The following FUT8 variants were observed in gnomAD, a reference collection of about 807,000 sequenced individuals.
FUT8 encodes alpha-(1,6)-fucosyltransferase.
FUT8 carries 29 observed loss-of-function variants against 71.3 expected under a neutral mutation model. That is an observed-to-expected ratio of 0.41 (90% confidence interval 0.30 to 0.55). FUT8 has a LOEUF of 0.55. Ranked by LOEUF, FUT8 falls within the 20% of genes least tolerant of loss-of-function variation. The probability of loss-of-function intolerance (pLI) is 0.34; values close to 1 mark genes in which losing one functional copy is unlikely to be tolerated. For synonymous variants in FUT8, 254 were observed against 239.3 expected (o/e 1.06, Z -0.57); for missense variants, 544 against 702.1 (o/e 0.77, Z 2.55).
At chr14:65,415,745 GA>G (rs992555922) in intron 1 of FUT8, among the ~76,000 whole-genome samples, 1 of 151,044 alleles carries the variant, frequency 6.6e-6, no homozygotes, top group African/African-American at 2.4e-5. Flanking sequence ...TAGACATCTG[GA>G]GAACAATATC....
intron 7 of FUT8, among the ~76,000 whole-genome samples, chr14:65,718,651 C>T (rs1328741237): frequency 6.6e-6 from 1 of 152,116 alleles, no homozygotes; most frequent in African/African-American, 2.4e-5. Context: ...TAGAACAGGT[C>T]TGATGTTGAT....
At chr14:65,381,044 G>A in the FUT8 span, among the ~76,000 whole-genome samples, 1 of 152,202 alleles carries the variant, frequency 6.6e-6, no homozygotes, top group Non-Finnish European at 1.5e-5. Context: ...CCTAGCCCTT[G>A]ATAGATTTGG....
intron 6 of FUT8, among the ~76,000 whole-genome samples, chr14:65,657,380 T>C (rs963598603): frequency 2.6e-5 from 4 of 152,204 alleles, no homozygotes; most frequent in Admixed American, 6.5e-5. Context: ...CCATGTTTAC[T>C]GCAGCACTTT....
intron 1 of FUT8, among the ~76,000 whole-genome samples, chr14:65,415,062 A>T: frequency 6.6e-6 from 1 of 152,190 alleles, no homozygotes; most frequent in East Asian, 1.9e-4. Context: ...CTTACCAGTT[A>T]TTTTTACGCA....
chr14:65,462,288 CATG>C (rs2065979864), intron 2 of FUT8, among the ~76,000 whole-genome samples: 4 of 152,170 alleles, frequency 2.6e-5, no homozygotes, highest in African/African-American at 7.2e-5. Flanking sequence ...ATTAGGTAAA[CATG>C]ATGTTTGCCC....
At chr14:65,506,996 A>G (rs925859948) in intron 2 of FUT8, among the ~76,000 whole-genome samples, 1 of 152,210 alleles carries the variant, frequency 6.6e-6, no homozygotes, top group Non-Finnish European at 1.5e-5. Flanking sequence ...TTCTGTAAAC[A>G]GTTGTGACCA....
At chr14:65,722,519 T>G (rs1433218965) in intron 8 of FUT8, among the ~76,000 whole-genome samples, 2 of 152,226 alleles carry the variant, frequency 1.3e-5, no homozygotes, top group Admixed American at 1.3e-4. Flanking sequence ...AGTCTTCATA[T>G]GTAGAGGAGT....
At chr14:65,509,440 T>C (rs1200280359) in intron 2 of FUT8, among the ~76,000 whole-genome samples, 1 of 152,172 alleles carries the variant, frequency 6.6e-6, no homozygotes, top group Non-Finnish European at 1.5e-5. Flanking sequence ...AGGGTTTTTT[T>C]TATATCTCTG....
the FUT8 span, among the ~76,000 whole-genome samples, chr14:65,374,714 C>T: frequency 6.6e-6 from 1 of 152,010 alleles, no homozygotes; most frequent in South Asian, 2.1e-4. Context: ...TCTGCCTCAG[C>T]CTCCCAAGTA....
At chr14:65,666,479 C>T (rs369871257) in intron 6 of FUT8, among the ~76,000 whole-genome samples, 1 of 152,048 alleles carries the variant, frequency 6.6e-6, no homozygotes, top group African/African-American at 2.4e-5. Flanking sequence ...AAGACTGAAC[C>T]GGGAAGAAAT....
chr14:65,568,945 A>G (rs1243044539), intron 3 of FUT8, among the ~76,000 whole-genome samples: 2 of 151,796 alleles, frequency 1.3e-5, no homozygotes, highest in Non-Finnish European at 2.9e-5. Context: ...TTTGATAGCA[A>G]TAAATTCAGA....
chr14:65,448,284 A>G (rs2065772170), intron 1 of FUT8, among the ~76,000 whole-genome samples: 1 of 152,136 alleles, frequency 6.6e-6, no homozygotes, highest in East Asian at 1.9e-4. Context: ...TTTGGTCATG[A>G]GTAAGTGGGT....
intron 3 of FUT8, among the ~76,000 whole-genome samples, chr14:65,610,452 C>G (rs1343201227): frequency 6.6e-6 from 1 of 150,408 alleles, no homozygotes; most frequent in Non-Finnish European, 1.5e-5. Context: ...TGCAATGGCA[C>G]AATCTCGGCT....
intron 2 of FUT8, among the ~76,000 whole-genome samples, chr14:65,539,195 C>T (rs1566811027): frequency 6.6e-6 from 1 of 152,228 alleles, no homozygotes. Context: ...GTAGTGTTAC[C>T]TAGGCAATAT....
intron 7 of FUT8, among the ~76,000 whole-genome samples, chr14:65,677,774 A>G (rs28695252): frequency 0.062 from 9,435 of 152,170 alleles, 519 homozygotes; most frequent in African/African-American, 0.14. Context: ...TATAAAGATG[A>G]CTCTTCAGGA....
At chr14:65,360,299 A>G in the FUT8 span, among the ~76,000 whole-genome samples, 379 of 152,348 alleles carry the variant, frequency 2.5e-3, 2 homozygotes, top group African/African-American at 8.8e-3. Flanking sequence ...ACAGCCATCT[A>G]TACCAATAAT....
At position 65,700,381 on chromosome 14, in the gene FUT8, G is replaced by GTTTTTTTTTTTT. The variant is rs763718984; in HGVS notation, c.836-21378_836-21367dup. 1.4e-4 allele frequency among the ~76,000 whole-genome samples: 7 copies of GTTTTTTTTTTTT among 48,850 alleles called. 1 individual carries two copies. Among genetic ancestry groups the GTTTTTTTTTTTT allele is most frequent in the East Asian group, 1.5e-3 (2 of 1,304 alleles). 32.0% of individuals were successfully genotyped at this position (48,850 alleles called of 152,430 possible). A position where few individuals can be genotyped will look rare whatever the true frequency, so the allele number is the denominator to read the frequency against. ...AAACTACTTTCTTTTCTTTCTTTCT[G>GTTTTTTTTTTTT]TTTTTTTTTTTTTTTTTTTTTTTTT... On this transcript the variant is annotated intron_variant, in intron 7 of 10. Transcript: ENST00000673929.
chr14:65,404,559 T>A, the FUT8 span, among the ~76,000 whole-genome samples: 1 of 151,862 alleles, frequency 6.6e-6, no homozygotes, highest in Non-Finnish European at 1.5e-5. Context: ...CACTGCAACC[T>A]CTGCCTCCCG....
intron 2 of FUT8, among the ~76,000 whole-genome samples, chr14:65,464,232 C>A (rs1294990998): frequency 6.9e-6 from 1 of 144,972 alleles, no homozygotes; most frequent in Non-Finnish European, 1.5e-5. Flanking sequence ...CTTATTATTT[C>A]CAGGAGTTTG....
Sources: gnomAD v4.1 joint callset for allele counts (sites outside exome capture counted in the v4.1 genomes callset) on GRCh38, gnomAD v4.1.1 for gene constraint, MANE v1.5 for transcripts, NCBI Gene and HGNC (gene_info 2026-07-23, HGNC 2026-07-21) for gene names.